Variants in NID2 observed in about 807,000 individuals in gnomAD.
NID2 encodes nidogen 2.
In NID2, 83 loss-of-function variants were observed where a neutral mutation model predicts 145.4. The observed-to-expected ratio is 0.57, with a 90% confidence interval of 0.48 to 0.69. The LOEUF is 0.69. Among genes scored for constraint, NID2 ranks in the 30% least tolerant of loss-of-function variants. The pLI is 0.00. For synonymous variants in NID2, 739 were observed against 701.3 expected (o/e 1.05, Z -0.85); for missense variants, 1,807 against 1,765.7 (o/e 1.02, Z -0.42).
chr14:52,039,009 ATATT>A, intron 8 of NID2, 32 bp from the exon 9 acceptor site: 1 of 1,456,384 alleles, frequency 6.9e-7, no homozygotes, highest in East Asian at 2.4e-5. Flanking sequence ...TTTTTTAAAA[ATATT>A]AAATACAGAG....
chr14:52,030,508 A>C (rs1891775348), intron 9 of NID2, among the ~76,000 whole-genome samples: 1 of 83,346 alleles, frequency 1.2e-5, no homozygotes, highest in African/African-American at 4.6e-5. Context: ...AAAGAGAAAG[A>C]AAGAAAGAAA....
At chr14:52,049,064 C>T (rs1344401272) in intron 5 of NID2, among the ~76,000 whole-genome samples, 1 of 152,132 alleles carries the variant, frequency 6.6e-6, no homozygotes, top group African/African-American at 2.4e-5. Flanking sequence ...CAGGGCACAG[C>T]AGGAGGGTGG....
chr14:52,008,243 A>G (rs1890871024), intron 18 of NID2: 2 of 315,312 alleles, frequency 6.3e-6, no homozygotes, highest in South Asian at 1.1e-4. Flanking sequence ...CCATGTTGCA[A>G]GCTACCCTGT....
chr14:52,014,195 C>T, intron 16 of NID2, 92 bp downstream of exon 16: 3 of 1,531,422 alleles, frequency 2.0e-6, no homozygotes, highest in Non-Finnish European at 2.7e-6. Context: ...GACTTCCCTG[C>T]ACCAGTCCAC....
At position 52,052,529 on chromosome 14, in the gene NID2, G is replaced by A. The variant is rs376225446; in HGVS notation, c.1429+1050C>T. On this transcript the variant is annotated intron_variant, in intron 5 of 21. Coordinates refer to ENST00000216286, the MANE Select transcript of NID2 (RefSeq NM_007361.4). ...GCAGCCAGGATTCAAACTCGAAGCC[G>A]ACACCAATGTACTCCCTCGAATCCT... Among the ~76,000 whole-genome samples the A allele has an allele frequency of 1.2e-4, 19 of 152,316 alleles. 1 individual carries two copies. Among genetic ancestry groups the A allele is most frequent in the African/African-American group, 4.1e-4 (17 of 41,572 alleles).
rs549881154 is a variant in NID2 at position 52,028,736 on chromosome 14, C to A, written c.2516G>T (p.Arg839Leu). 2 of 1,611,762 alleles carry A rather than the reference C, an allele frequency of 1.2e-6. No homozygotes were observed. The highest frequency in any genetic ancestry group is 2.2e-5 in the East Asian group (1 of 44,740). ...CRSGYEFADDRHTCILITPPA... is the reference protein window; with the variant it reads ...CRSGYEFADDLHTCILITPPA... ...TTGGAACTCACAGATGCAAGTATGC[C>A]GGTCATCTGCAAACTCATAACCACT... The change falls in exon 11 of 22, where the codon CGG becomes CTG. Residue 839 changes from arginine to leucine, a missense_variant. Physicochemically the swap from Arg to Leu is moderately radical, Grantham distance 102. Transcript: ENST00000216286.
intron 3 of NID2, among the ~76,000 whole-genome samples, chr14:52,057,190 C>T (rs1892877163): frequency 6.6e-6 from 1 of 152,056 alleles, no homozygotes; most frequent in Non-Finnish European, 1.5e-5. Flanking sequence ...TACGGGTGCA[C>T]ACCACCACAC....
chr14:52,046,885 G>A (rs1409409894), intron 5 of NID2, among the ~76,000 whole-genome samples: 1 of 152,204 alleles, frequency 6.6e-6, no homozygotes, highest in Admixed American at 6.5e-5. Flanking sequence ...AAGGAAAGAA[G>A]ATGGATCAGC....
intron 2 of NID2, among the ~76,000 whole-genome samples, chr14:52,062,128 T>G (rs1319907414): frequency 6.6e-6 from 1 of 152,230 alleles, no homozygotes. Context: ...ATTTTTCCTT[T>G]CAATGTTTAA....
At chr14:52,010,697 G>C (rs1594999453) in intron 18 of NID2, 179 bp downstream of exon 18, 1 of 583,104 alleles carries the variant, frequency 1.7e-6, no homozygotes, top group Non-Finnish European at 3.0e-6. Context: ...TGAAAGAACA[G>C]ACCTTGTCTT....
At chr14:52,013,834 G>A (rs1264150286) in intron 16 of NID2, among the ~76,000 whole-genome samples, 1 of 152,174 alleles carries the variant, frequency 6.6e-6, no homozygotes. Context: ...GGGCTGCAAC[G>A]GTGAGACAGT....
chr14:52,006,722 T>TAGTGATAGTGACAC, intron 19 of NID2, 62 bp from the exon 20 acceptor site: 1 of 1,557,660 alleles, frequency 6.4e-7, no homozygotes, highest in South Asian at 1.1e-5. Flanking sequence ...GATAGTGACA[T>TAGTGATAGTGACAC]AGTGATAGTG....
At position 52,042,767 on chromosome 14, in the gene NID2, G is replaced by A. The variant is rs1465582322; in HGVS notation, c.1579+15C>T. 4.3e-6 allele frequency: 7 copies of A among 1,613,528 alleles called. No homozygotes were observed. Among genetic ancestry groups the A allele is most frequent in the Non-Finnish European group, 5.9e-6 (7 of 1,179,632 alleles). ...AGGAATAGACACACAGGAGTTCCTG[G>A]CCCCAGTCAATTACCTTCAGGCAGA... On this transcript the variant is annotated intron_variant, in intron 6 of 21. Transcript: ENST00000216286.
At chr14:52,054,876 C>A (rs951169705) in intron 3 of NID2, among the ~76,000 whole-genome samples, 1 of 152,194 alleles carries the variant, frequency 6.6e-6, no homozygotes, top group African/African-American at 2.4e-5. Context: ...CCACAGAATG[C>A]CAGATCATCA....
At position 52,040,720 on chromosome 14, in the gene NID2, G is replaced by A. The variant is rs755529873; in HGVS notation, c.1957C>T (p.Pro653Ser). Residue 653 changes from proline to serine, a missense_variant, in exon 8 of 22, where the codon CCT becomes TCT. By Grantham distance (74) the Pro-to-Ser change is moderately conservative. Coordinates refer to ENST00000216286, the MANE Select transcript of NID2 (RefSeq NM_007361.4). Reference protein sequence around the residue: ...SIKTNIQGQVPYVSANFTAHI... With the variant: ...SIKTNIQGQVSYVSANFTAHI... ...GCTGTGAAATTTGCTGAGACGTAAGGCACCTGGCCTTGAATGTTGGTCTTA... is the reference window on the plus strand; with the variant it reads ...GCTGTGAAATTTGCTGAGACGTAAGACACCTGGCCTTGAATGTTGGTCTTA... 1.9e-6 allele frequency: 3 copies of A among 1,614,124 alleles called. No homozygotes were observed. The South Asian group carries it at 3.3e-5, about 18-fold the overall frequency.
At chr14:52,061,469 C>T (rs1056024539) in intron 2 of NID2, among the ~76,000 whole-genome samples, 4 of 152,136 alleles carry the variant, frequency 2.6e-5, no homozygotes, top group African/African-American at 9.7e-5. Context: ...AGGCTTTGCC[C>T]AGGAGAGTCT....
chr14:52,053,477 G>T, intron 5 of NID2, 102 bp downstream of exon 5: 1 of 1,275,780 alleles, frequency 7.8e-7, no homozygotes, highest in African/African-American at 1.5e-5. Context: ...TCTTCTTTTT[G>T]CTAAACTTTT....
At chr14:52,062,696 T>C (rs1215398792) in intron 2 of NID2, among the ~76,000 whole-genome samples, 1 of 151,662 alleles carries the variant, frequency 6.6e-6, no homozygotes, top group Non-Finnish European at 1.5e-5. Context: ...GATAAGGAGG[T>C]TGTAGAGACT....
intron 8 of NID2, 64 bp downstream of exon 8, chr14:52,040,587 T>G (rs1892242188): frequency 1.4e-6 from 2 of 1,402,170 alleles, no homozygotes; most frequent in Admixed American, 1.7e-5. Context: ...ATTTAAGCCT[T>G]GTATCTATCT....
Sources: allele counts gnomAD v4.1 joint callset (sites outside exome capture counted in the v4.1 genomes callset), GRCh38; gene constraint gnomAD v4.1.1; transcripts MANE v1.5; gene names NCBI Gene and HGNC (gene_info 2026-07-23, HGNC 2026-07-21).